TAS2R1: variants seen among roughly 807,000 people sequenced by gnomAD.
TAS2R1 encodes the protein taste 2 receptor member 1.
For synonymous variants in TAS2R1, 141 were observed against 134.2 expected, an observed-to-expected ratio of 1.05 and a Z score of -0.35; for missense variants, 370 against 353.4, an observed-to-expected ratio of 1.05 and a Z score of -0.38.
At chr5:9,682,286 G>A (rs1179034119) in intron 1 of TAS2R1, among the ~76,000 whole-genome samples, 1 of 152,230 alleles carries the variant, frequency 6.6e-6, no homozygotes, top group Non-Finnish European at 1.5e-5. Flanking sequence ...ACATGGCTTT[G>A]TTGTGTAGCT....
At chr5:9,829,801 T>G in the TAS2R1 span, among the ~76,000 whole-genome samples, 1 of 151,722 alleles carries the variant, frequency 6.6e-6, no homozygotes, top group Non-Finnish European at 1.5e-5. Context: ...AGAGGTAAAG[T>G]TGAAGGGTAA....
the TAS2R1 span, among the ~76,000 whole-genome samples, chr5:9,786,132 C>A: frequency 6.6e-6 from 1 of 152,156 alleles, no homozygotes; most frequent in South Asian, 2.1e-4. Flanking sequence ...AACACTTACT[C>A]ATACACGACT....
chr5:9,860,593 G>A, the TAS2R1 span, among the ~76,000 whole-genome samples: 1 of 152,264 alleles, frequency 6.6e-6, no homozygotes, highest in Admixed American at 6.5e-5. Flanking sequence ...GTAAAAGGAT[G>A]TGTGGGGAAA....
chr5:9,716,724 T>G (rs747292504), upstream of TAS2R1, among the ~76,000 whole-genome samples: 11 of 152,126 alleles, frequency 7.2e-5, no homozygotes, highest in Non-Finnish European at 1.0e-4. Context: ...TGTACTGTAA[T>G]CTATGATCAT....
chr5:9,640,625 T>C lies in TAS2R1; in HGVS notation c.-80-10633A>G, dbSNP rs533381957. The stretch of plus-strand genomic sequence containing the variant: ...AGAAAAGCAGTTACTGCTAGTTCCT[T>C]GGTTTCTCAGTCAAGCGTCTATCAC... On this transcript the variant is annotated intron_variant, in intron 2 of 2. Coordinates refer to the TAS2R1 transcript ENST00000506620. Among the ~76,000 whole-genome samples, 6 of 152,050 alleles carry C rather than the reference T, an allele frequency of 3.9e-5. No individual in the cohort carries two copies. The South Asian group carries it at 1.2e-3, about 32-fold the overall frequency.
the TAS2R1 span, among the ~76,000 whole-genome samples, chr5:9,890,917 A>T: frequency 1.3e-5 from 2 of 152,202 alleles, no homozygotes; most frequent in Non-Finnish European, 2.9e-5. Context: ...CTGGTCTTCC[A>T]TGTGGACATC....
chr5:9,832,529 C>G, the TAS2R1 span, among the ~76,000 whole-genome samples: 2 of 152,168 alleles, frequency 1.3e-5, no homozygotes, highest in African/African-American at 4.8e-5. Context: ...TCTCTCAGCC[C>G]CTGTCGATAG....
At chr5:9,776,443 G>A in the TAS2R1 span, among the ~76,000 whole-genome samples, 1 of 152,172 alleles carries the variant, frequency 6.6e-6, no homozygotes, top group Admixed American at 6.5e-5. Context: ...TTTTATGAAG[G>A]TGCTTTTTTG....
chr5:9,898,937 C>G, the TAS2R1 span, among the ~76,000 whole-genome samples: 1 of 152,178 alleles, frequency 6.6e-6, no homozygotes. Flanking sequence ...CAGACATTTA[C>G]AGATGGAGGT....
chr5:9,742,552 T>C, the TAS2R1 span, among the ~76,000 whole-genome samples: 1 of 152,254 alleles, frequency 6.6e-6, no homozygotes, highest in African/African-American at 2.4e-5. Flanking sequence ...AACCTGACTC[T>C]ACCTTACTAT....
chr5:9,767,641 C>A, the TAS2R1 span, among the ~76,000 whole-genome samples: 1 of 152,102 alleles, frequency 6.6e-6, no homozygotes, highest in African/African-American at 2.4e-5. Context: ...CATTCAAAAC[C>A]AGATCAGGTG....
At chr5:9,879,932 A>T in the TAS2R1 span, among the ~76,000 whole-genome samples, 1 of 152,202 alleles carries the variant, frequency 6.6e-6, no homozygotes, top group Non-Finnish European at 1.5e-5. Flanking sequence ...ACAGATAACC[A>T]GGCTATCCTT....
At chr5:9,724,598 C>T in the TAS2R1 span, among the ~76,000 whole-genome samples, 3 of 152,170 alleles carry the variant, frequency 2.0e-5, no homozygotes, top group African/African-American at 7.2e-5. Context: ...ACCACTGAGA[C>T]ACATTGTATC....
chr5:9,664,946 G>A (rs1740603216), intron 1 of TAS2R1, among the ~76,000 whole-genome samples: 1 of 152,190 alleles, frequency 6.6e-6, no homozygotes, highest in East Asian at 1.9e-4. Flanking sequence ...TAAAGTAATT[G>A]TATTAGTGAG....
chr5:9,736,269 TG>T, the TAS2R1 span, among the ~76,000 whole-genome samples: 1 of 152,244 alleles, frequency 6.6e-6, no homozygotes, highest in Non-Finnish European at 1.5e-5. Flanking sequence ...TTAGCTTTCC[TG>T]GCTGTGGGAC....
At chr5:9,631,686 C>T (rs75743646), upstream of TAS2R1, among the ~76,000 whole-genome samples, 738 of 152,244 alleles carry the variant, frequency 4.8e-3, 5 homozygotes, top group African/African-American at 0.017. Context: ...TCTTAATGAA[C>T]GTGTGTTACT....
chr5:9,805,924 G>A, the TAS2R1 span, among the ~76,000 whole-genome samples: 3 of 152,066 alleles, frequency 2.0e-5, no homozygotes, highest in East Asian at 5.8e-4. Context: ...AAGAAATTAA[G>A]GACATCCAGG....
chr5:9,670,330 G>C (rs1347731292), intron 1 of TAS2R1, among the ~76,000 whole-genome samples: 2 of 152,154 alleles, frequency 1.3e-5, no homozygotes, highest in Non-Finnish European at 2.9e-5. Context: ...AACCTAAATG[G>C]AGGTGTAAAC....
At chr5:9,701,378 C>T (rs2126525470) in intron 1 of TAS2R1, among the ~76,000 whole-genome samples, 1 of 152,172 alleles carries the variant, frequency 6.6e-6, no homozygotes, top group Admixed American at 6.5e-5. Flanking sequence ...TTTTCTAGCT[C>T]TAGGTTGAGT....
Sources: gnomAD v4.1 joint callset for allele counts (sites outside exome capture counted in the v4.1 genomes callset) on GRCh38, gnomAD v4.1.1 for gene constraint, MANE v1.5 for transcripts, NCBI Gene and HGNC (gene_info 2026-07-23, HGNC 2026-07-21) for gene names.